The following GIT2 variants were observed in gnomAD, a reference collection of about 807,000 sequenced individuals.
GIT2 encodes GIT ArfGAP 2, also known as ARF GTPase-activating protein GIT2.
A neutral mutation model predicts 100.3 loss-of-function variants in GIT2; 32 were observed. The ratio of observed to expected loss-of-function variants is 0.32; its 90% CI spans 0.24 to 0.43. GIT2 has a LOEUF of 0.43. Ranked by LOEUF, GIT2 falls within the 20% of genes least tolerant of loss-of-function variation. GIT2 has a pLI of 1.00. For synonymous variants in GIT2, 353 were observed against 364.1 expected (o/e 0.97, Z 0.35); for missense variants, 737 against 975.1 (o/e 0.76, Z 3.25).
chr12:109,945,205 C>T (rs1383497974), intron 16 of GIT2, 55 bp downstream of exon 16: 4 of 852,446 alleles, frequency 4.7e-6, no homozygotes, highest in African/African-American at 1.7e-5. Flanking sequence ...AAGCACAAAG[C>T]GCCCAGGAGC....
chr12:109,957,509 A>ATT (rs111395877), intron 12 of GIT2, among the ~76,000 whole-genome samples: 39 of 144,168 alleles, frequency 2.7e-4, no homozygotes, highest in African/African-American at 5.6e-4. Flanking sequence ...ATAAGTATGT[A>ATT]TTTTTTTTTT....
At position 109,996,333 on chromosome 12, in the gene GIT2, G is replaced by GGCGCCTCTCCCCTCA. The variant is rs1185660548; in HGVS notation, c.-124_-110dup. 1 of 734,542 alleles carries GGCGCCTCTCCCCTCA rather than the reference G, an allele frequency of 1.4e-6. No homozygotes were observed. The highest frequency in any genetic ancestry group is 2.2e-6 in the Non-Finnish European group (1 of 461,708). 45.5% of individuals were successfully genotyped at this position (734,542 alleles called of 1,614,324 possible). ...TCCCAGCTGCGGCGGCGCTGACGGC[G>GGCGCCTCTCCCCTCA]GCGCCTCTCCCCTCAGCGCCTTGCA... On this transcript the variant is annotated 5_prime_UTR_variant, in exon 1 of 20. Transcript: ENST00000355312.
At chr12:109,961,758 A>AC in intron 9 of GIT2, 73 bp from the exon 10 acceptor site, 1 of 878,902 alleles carries the variant, frequency 1.1e-6, no homozygotes, top group South Asian at 1.3e-5. Flanking sequence ...ACTGCGACTT[A>AC]GTCACCCTTT....
chr12:109,974,255 G>A (rs377439512), intron 7 of GIT2, among the ~76,000 whole-genome samples: 9 of 152,154 alleles, frequency 5.9e-5, no homozygotes, highest in South Asian at 2.1e-4. Context: ...GGCCGGGCAC[G>A]GTGGCTCACA....
At chr12:109,982,070 G>A (rs1463328171) in intron 6 of GIT2, 1 of 151,926 alleles carries the variant, frequency 6.6e-6, no homozygotes, top group Non-Finnish European at 1.5e-5. Context: ...TTCTTTTTTA[G>A]TGCTCTGTGA....
chr12:109,967,421 C>T (rs73419574), intron 8 of GIT2, 37 bp downstream of exon 8: 26,200 of 1,514,138 alleles, frequency 0.017, 1,184 homozygotes, highest in African/African-American at 0.16. Context: ...GAAATATTAG[C>T]GATAGACAAA....
chr12:109,961,477 CCAACACACG>C (rs1325207776), intron 10 of GIT2, 102 bp from the exon 11 acceptor site: 10 of 938,534 alleles, frequency 1.1e-5, no homozygotes, highest in South Asian at 9.1e-5. Flanking sequence ...CACTCTGAAG[CCAACACACG>C]CAAAGGCAAA....
chr12:109,989,603 C>T lies in GIT2; in HGVS notation c.299+87G>A, dbSNP rs575013343. On this transcript the variant is annotated intron_variant, in intron 3 of 19. Coordinates refer to ENST00000355312, the MANE Select transcript of GIT2 (RefSeq NM_057169.5). ...GTAACCCCCTCCTCTGCTGCCCTTGCGGAGACTGACCAAAAATAGCTGCAC... is the reference window on the plus strand; with the variant it reads ...GTAACCCCCTCCTCTGCTGCCCTTGTGGAGACTGACCAAAAATAGCTGCAC... 2.4e-4 allele frequency: 182 copies of T among 751,256 alleles called. 1 individual carries two copies. Among genetic ancestry groups the T allele is most frequent in the South Asian group, 2.3e-3 (155 of 66,458 alleles). The allele number at this position is 751,256 out of a possible 1,614,324, so 46.5% of individuals were successfully genotyped here. A position where few individuals can be genotyped will look rare whatever the true frequency, so the allele number is the denominator to read the frequency against.
chr12:109,986,790 C>CA (rs1322188469), intron 4 of GIT2, among the ~76,000 whole-genome samples: 27 of 146,264 alleles, frequency 1.8e-4, no homozygotes, highest in African/African-American at 3.6e-4. Context: ...AACAAACAAA[C>CA]AAAAAAAAAC....
intron 13 of GIT2, among the ~76,000 whole-genome samples, chr12:109,952,173 TC>T (rs1411798968): frequency 1.3e-5 from 2 of 152,128 alleles, no homozygotes; most frequent in Admixed American, 1.3e-4. Flanking sequence ...TAAATCTGTC[TC>T]CCCACTTCAA....
Position 109,961,688 on chromosome 12 carries a change from GA to G in GIT2, c.817-4del. ...TCTTCAAACAAATGATTACTTAGCT[GA>G]AAATAAAAAATATCAGGAACACAAG... On this transcript the variant is annotated splice_polypyrimidine_tract_variant and splice_region_variant and intron_variant, in intron 9 of 19. Transcript: ENST00000355312. 1 of 1,559,948 alleles carries G rather than the reference GA, an allele frequency of 6.4e-7. No homozygotes were observed.
intron 4 of GIT2, among the ~76,000 whole-genome samples, chr12:109,987,385 A>AAAAT (rs995114850): frequency 3.3e-5 from 5 of 151,806 alleles, no homozygotes; most frequent in Non-Finnish European, 5.9e-5. Flanking sequence ...CTCTATCTCA[A>AAAAT]AAATAAATAA....
intron 11 of GIT2, among the ~76,000 whole-genome samples, chr12:109,960,712 T>C (rs1880846615): frequency 6.6e-6 from 1 of 152,258 alleles, no homozygotes; most frequent in Non-Finnish European, 1.5e-5. Flanking sequence ...ATGGATGTGT[T>C]AGCTGTTTTT....
intron 2 of GIT2, 51 bp downstream of exon 2, chr12:109,991,576 T>C: frequency 1.4e-6 from 2 of 1,468,302 alleles, no homozygotes; most frequent in South Asian, 2.3e-5. Context: ...ATTAACATGA[T>C]GAGCCCTAAA....
chr12:109,973,183 C>G (rs1884325130), intron 7 of GIT2, among the ~76,000 whole-genome samples: 1 of 152,162 alleles, frequency 6.6e-6, no homozygotes, highest in African/African-American at 2.4e-5. Flanking sequence ...CTCTGTCACC[C>G]AGGCTGGAGT....
chr12:109,985,865 A>AAC (rs113961818), intron 4 of GIT2, among the ~76,000 whole-genome samples: 7,337 of 149,252 alleles, frequency 0.049, 255 homozygotes, highest in South Asian at 0.14. Flanking sequence ...ACAAAAACAA[A>AAC]ACACACACAC....
Position 109,991,669 on chromosome 12 carries a change from C to A in GIT2, c.144G>T (p.Val48=). ...HRSLGRHISQ[V]RHLKHTPWPP... is the part of the protein sequence containing the mutation. ...GCCACGGTGTGTGTTTCAGATGCCTCACTTGGGAGATATGGCGCCCTAGAC... is the reference window on the plus strand; with the variant it reads ...GCCACGGTGTGTGTTTCAGATGCCTAACTTGGGAGATATGGCGCCCTAGAC... The change falls in exon 2 of 20, where the codon GTG becomes GTT. Residue 48 remains valine (V), a synonymous_variant. Coordinates refer to ENST00000355312, the MANE Select transcript of GIT2 (RefSeq NM_057169.5). The A allele has an allele frequency of 6.2e-7, 1 of 1,613,226 alleles. No individual in the cohort carries two copies. Among genetic ancestry groups the A allele is most frequent in the African/African-American group, 1.3e-5 (1 of 75,008 alleles).
At chr12:109,988,577 G>A (rs1464679746) in intron 4 of GIT2, among the ~76,000 whole-genome samples, 7 of 151,882 alleles carry the variant, frequency 4.6e-5, no homozygotes, top group African/African-American at 4.8e-5. Context: ...AACCCTGGCC[G>A]GGTGCAGTGG....
At chr12:109,945,887 C>T (rs1219669546) in intron 15 of GIT2, among the ~76,000 whole-genome samples, 1 of 152,126 alleles carries the variant, frequency 6.6e-6, no homozygotes, top group Non-Finnish European at 1.5e-5. Flanking sequence ...GTAATCCTAG[C>T]ACTTTGGGAG....
Sources: gnomAD v4.1 joint callset for allele counts (sites outside exome capture counted in the v4.1 genomes callset) on GRCh38, gnomAD v4.1.1 for gene constraint, MANE v1.5 for transcripts, NCBI Gene and HGNC (gene_info 2026-07-23, HGNC 2026-07-21) for gene names.